Variants in L3MBTL3 observed in about 807,000 individuals in gnomAD.
The protein encoded by L3MBTL3 is L3MBTL histone methyl-lysine binding protein 3, also known as lethal(3)malignant brain tumor-like protein 3.
A neutral mutation model predicts 102.3 loss-of-function variants in L3MBTL3; 27 were observed. That is an observed-to-expected ratio of 0.26 (90% CI 0.19 to 0.36). The LOEUF (loss-of-function observed/expected upper bound fraction) is 0.36. Among genes scored for constraint, L3MBTL3 ranks in the 10% least tolerant of loss-of-function variants. L3MBTL3 has a pLI of 1.00. For synonymous variants in L3MBTL3, 340 were observed against 320.9 expected (o/e 1.06, Z -0.64); for missense variants, 798 against 955.3 (o/e 0.84, Z 2.17).
intron 2 of L3MBTL3, among the ~76,000 whole-genome samples, chr6:130,039,802 G>C (rs1409328472): frequency 6.6e-6 from 1 of 152,052 alleles, no homozygotes; most frequent in Non-Finnish European, 1.5e-5. Flanking sequence ...CTGCATTCTT[G>C]TTGCATTGGG....
At chr6:130,070,236 T>G (rs143926986) in intron 12 of L3MBTL3, among the ~76,000 whole-genome samples, 1,910 of 152,294 alleles carry the variant, frequency 0.013, 26 homozygotes, top group Middle Eastern at 0.054. Flanking sequence ...ATATTATTCC[T>G]CACAAAAGAT....
chr6:130,035,980 T>G lies in L3MBTL3; in HGVS notation c.-15-6705T>G, dbSNP rs574947492. Among the ~76,000 whole-genome samples the G allele has an allele frequency of 7.4e-5, 11 of 149,320 alleles. No individual in the cohort carries two copies. In the South Asian group the frequency reaches 2.4e-3, roughly 32 times the overall value. ...ATTGTGACTCTCTTACCTACCTGTT[T>G]TGTGTGTGTGTGTGTGTGTGTGTGT... On this transcript the variant is annotated intron_variant, in intron 2 of 22. Coordinates refer to ENST00000361794, the MANE Select transcript of L3MBTL3 (RefSeq NM_032438.4).
intron 13 of L3MBTL3, among the ~76,000 whole-genome samples, chr6:130,073,693 T>C (rs991107510): frequency 2.6e-5 from 4 of 152,152 alleles, no homozygotes; most frequent in African/African-American, 4.8e-5. Flanking sequence ...GCCATGTTCA[T>C]TTTTCGATGC....
At chr6:130,049,551 C>G in intron 4 of L3MBTL3, 158 bp downstream of exon 4, 1 of 711,974 alleles carries the variant, frequency 1.4e-6, no homozygotes, top group Non-Finnish European at 2.3e-6. Context: ...TAGGAGCCAG[C>G]ATTTATGTTT....
At chr6:130,103,409 C>A (rs185082493) in intron 18 of L3MBTL3, among the ~76,000 whole-genome samples, 168 of 152,308 alleles carry the variant, frequency 1.1e-3, no homozygotes, top group South Asian at 2.7e-3. Flanking sequence ...TAACTCTTCC[C>A]TCCTTTTCCT....
chr6:130,050,873 A>C (rs750185128), intron 5 of L3MBTL3, among the ~76,000 whole-genome samples: 1 of 152,258 alleles, frequency 6.6e-6, no homozygotes, highest in Non-Finnish European at 1.5e-5. Flanking sequence ...AAAAGATTAT[A>C]AATGTGAAAT....
At chr6:130,066,123 G>T (rs1782233245) in intron 10 of L3MBTL3, among the ~76,000 whole-genome samples, 2 of 152,084 alleles carry the variant, frequency 1.3e-5, no homozygotes, top group Admixed American at 1.3e-4. Context: ...TGGTTGTAAT[G>T]TAACTGAGAA....
chr6:130,057,185 T>G (rs1781562999), intron 8 of L3MBTL3, among the ~76,000 whole-genome samples: 1 of 152,144 alleles, frequency 6.6e-6, no homozygotes, highest in Non-Finnish European at 1.5e-5. Flanking sequence ...TCTAAGTACT[T>G]CCACTTCCAT....
chr6:130,033,298 A>G (rs1258369252), intron 2 of L3MBTL3, among the ~76,000 whole-genome samples: 1 of 152,194 alleles, frequency 6.6e-6, no homozygotes, highest in Non-Finnish European at 1.5e-5. Context: ...TTACTGAAAA[A>G]TGACGTTTAG....
In L3MBTL3 at chr6:130,139,946, T is replaced by C; in HGVS notation, c.*193T>C. On this transcript the variant is annotated 3_prime_UTR_variant, in exon 23 of 23. Transcript: ENST00000361794. ...AGTGCTTGAGCTTTTAACCAGGTAC[T>C]GTCTAACAACAGTCATCTTTTGGTT... 1 of 435,314 alleles carries C rather than the reference T, an allele frequency of 2.3e-6. No individual in the cohort carries two copies. Among genetic ancestry groups the C allele is most frequent in the Non-Finnish European group, 4.1e-6 (1 of 244,562 alleles). 27.0% of individuals were successfully genotyped at this position (435,314 alleles called of 1,614,324 possible).
At chr6:130,080,815 C>T (rs899728885) in intron 14 of L3MBTL3, among the ~76,000 whole-genome samples, 2 of 152,044 alleles carry the variant, frequency 1.3e-5, no homozygotes, top group African/African-American at 4.8e-5. Context: ...TTAAAAAATG[C>T]AAAAATGAAC....
At chr6:130,110,358 C>T (rs1269746731) in intron 19 of L3MBTL3, among the ~76,000 whole-genome samples, 3 of 152,124 alleles carry the variant, frequency 2.0e-5, no homozygotes, top group Non-Finnish European at 4.4e-5. Flanking sequence ...TTTGTGTCCT[C>T]TCTTATTTCC....
intron 19 of L3MBTL3, among the ~76,000 whole-genome samples, chr6:130,113,619 G>A (rs898976303): frequency 6.6e-6 from 1 of 152,172 alleles, no homozygotes; most frequent in South Asian, 2.1e-4. Flanking sequence ...TGCTTAACTG[G>A]TCTAATGGCA....
intron 2 of L3MBTL3, among the ~76,000 whole-genome samples, chr6:130,035,223 A>G (rs1305408035): frequency 1.3e-5 from 2 of 152,230 alleles, no homozygotes; most frequent in East Asian, 1.9e-4. Context: ...CACCATCAAT[A>G]TATGAGTGGT....
chr6:130,050,599 T>C (rs912895467), intron 5 of L3MBTL3, among the ~76,000 whole-genome samples: 5 of 152,258 alleles, frequency 3.3e-5, no homozygotes, highest in Non-Finnish European at 7.3e-5. Context: ...TCACATTTTA[T>C]TATAAATACT....
chr6:130,054,937 G>A (rs1781365186), intron 7 of L3MBTL3: 1 of 460,108 alleles, frequency 2.2e-6, no homozygotes, highest in Non-Finnish European at 4.0e-6. Flanking sequence ...CAAGGAGCGG[G>A]GAGCGGTGTC....
At chr6:130,112,623 G>T (rs1302116525) in intron 19 of L3MBTL3, among the ~76,000 whole-genome samples, 1 of 152,170 alleles carries the variant, frequency 6.6e-6, no homozygotes. Context: ...ACCAGAGAGG[G>T]ATGCAGCGGG....
chr6:130,069,839 A>G (rs962722583), intron 12 of L3MBTL3, among the ~76,000 whole-genome samples: 5 of 152,196 alleles, frequency 3.3e-5, no homozygotes, highest in African/African-American at 1.2e-4. Context: ...TTCCATTTCT[A>G]GATTACCTCA....
At chr6:130,106,691 T>A (rs1037366259) in intron 19 of L3MBTL3, among the ~76,000 whole-genome samples, 1 of 152,174 alleles carries the variant, frequency 6.6e-6, no homozygotes, top group Non-Finnish European at 1.5e-5. Context: ...AGAATTCTTC[T>A]CCTAATCATC....
Sources: allele counts gnomAD v4.1 joint callset (sites outside exome capture counted in the v4.1 genomes callset), GRCh38; gene constraint gnomAD v4.1.1; transcripts MANE v1.5; gene names NCBI Gene and HGNC (gene_info 2026-07-23, HGNC 2026-07-21).